RAD52: variants seen among roughly 807,000 people sequenced by gnomAD.
RAD52 encodes the protein DNA repair protein RAD52 homolog.
Under a neutral mutation model 55.5 loss-of-function variants are expected in RAD52, and 47 were observed. The ratio of observed to expected loss-of-function variants is 0.85; its 90% CI spans 0.67 to 1.08. The LOEUF is 1.08. RAD52 is among the 50% of genes least tolerant of loss of function. The pLI is 0.00. For synonymous variants in RAD52, 184 were observed against 198.9 expected, an observed-to-expected ratio of 0.92 and a Z score of 0.63; for missense variants, 468 against 522.8, an observed-to-expected ratio of 0.90 and a Z score of 1.02.
rs762392184 is a variant in RAD52 at position 916,353 on chromosome 12, T to C, written c.856A>G (p.Lys286Glu). Residue 286 changes from lysine to glutamate, a missense_variant, in exon 9 of 12, where the codon AAG (lysine) becomes GAG (glutamate). By Grantham distance (56) the Lys-to-Glu change is moderately conservative (BLOSUM62 1). Transcript: ENST00000358495. ...QVRVSTPSAE[K>E]SEAAPPAPPV... ...CCCACCCCTCGCTCACCCTCACTCT[T>C]CTCAGCTGACGGCGTGGAGACTCGA... is the stretch of plus-strand genomic sequence containing the variant. 6 of 1,606,262 alleles carry C rather than the reference T, an allele frequency of 3.7e-6. No individual in the cohort carries two copies. The highest frequency in any genetic ancestry group is 5.1e-6 in the Non-Finnish European group (6 of 1,179,922).
At chr12:934,140 AAC>A (rs1340990550) in intron 1 of RAD52, among the ~76,000 whole-genome samples, 1 of 151,120 alleles carries the variant, frequency 6.6e-6, no homozygotes, top group Admixed American at 6.6e-5. Flanking sequence ...GCAGGCACAC[AAC>A]ACACAGTTTA....
chr12:990,156 A>G (rs1355089478), upstream of RAD52: 1 of 152,224 alleles, frequency 6.6e-6, no homozygotes, highest in Non-Finnish European at 1.5e-5. Flanking sequence ...GAGGCAGTAT[A>G]AAGTGGTTAA....
intron 1 of RAD52, among the ~76,000 whole-genome samples, chr12:972,048 A>C (rs1383999289): frequency 6.6e-6 from 1 of 152,060 alleles, no homozygotes; most frequent in Non-Finnish European, 1.5e-5. Context: ...TCATTTTGGG[A>C]GTAGGTAGAG....
At chr12:974,201 G>A (rs577791729) in intron 1 of RAD52, 6 of 152,286 alleles carry the variant, frequency 3.9e-5, no homozygotes, top group East Asian at 1.9e-4. Flanking sequence ...GACAGCAGTA[G>A]CAGCAAATTG....
At chr12:979,490 CAG>C (rs1486852648) in intron 1 of RAD52, among the ~76,000 whole-genome samples, 4 of 151,928 alleles carry the variant, frequency 2.6e-5, no homozygotes, top group Non-Finnish European at 4.4e-5. Context: ...GGGCTCTTAA[CAG>C]ATAAGACTAG....
At chr12:932,848 TCA>T (rs1957406629) in intron 2 of RAD52, 125 bp downstream of exon 2, 1 of 670,324 alleles carries the variant, frequency 1.5e-6, no homozygotes. Context: ...TAGGTACTGC[TCA>T]CACACGTACT....
chr12:931,024 G>C (rs1592376516), intron 3 of RAD52, among the ~76,000 whole-genome samples, 196 bp downstream of exon 3: 1 of 151,900 alleles, frequency 6.6e-6, no homozygotes, highest in African/African-American at 2.4e-5. Flanking sequence ...GCGGTTATGC[G>C]AGTGTCAAGA....
At chr12:914,231 G>C (rs1956238885) in intron 10 of RAD52, 110 bp from the exon 11 acceptor site, 11 of 1,305,222 alleles carry the variant, frequency 8.4e-6, no homozygotes, top group Non-Finnish European at 1.1e-5. Flanking sequence ...CCTTCTGAAA[G>C]TTTTTGGAAT....
At chr12:966,215 C>T (rs955938113) in intron 1 of RAD52, among the ~76,000 whole-genome samples, 2 of 152,074 alleles carry the variant, frequency 1.3e-5, no homozygotes, top group Non-Finnish European at 2.9e-5. Context: ...GATCCTCCCA[C>T]TCCAGCCTCC....
chr12:920,908 A>G (rs1956692254), intron 7 of RAD52, among the ~76,000 whole-genome samples: 1 of 152,218 alleles, frequency 6.6e-6, no homozygotes, highest in Non-Finnish European at 1.5e-5. Flanking sequence ...CCACAAAACA[A>G]GTCCTAACAA....
chr12:929,854 C>T lies in RAD52; in HGVS notation c.313G>A (p.Val105Met), dbSNP rs139005468. 24 of 1,613,932 alleles carry T rather than the reference C, an allele frequency of 1.5e-5. No homozygotes were observed. The highest frequency in any genetic ancestry group is 1.1e-4 in the African/African-American group (8 of 74,878). The change falls in exon 5 of 12, where the codon GTG becomes ATG. Residue 105 changes from valine to methionine, a missense_variant. By Grantham distance (21) the Val-to-Met change is conservative. Transcript: ENST00000358495. Reference protein sequence around the residue: ...FVDLNNGKFYVGVCAFVRVQL... With the variant: ...FVDLNNGKFYMGVCAFVRVQL... The stretch of plus-strand genomic sequence containing the variant: ...ACCCTCACAAATGCACAGACTCCCA[C>T]GTAGAACTTGCCATTGTTGAGGTCA...
At chr12:965,704 A>G (rs1355554533) in intron 1 of RAD52, among the ~76,000 whole-genome samples, 3 of 151,228 alleles carry the variant, frequency 2.0e-5, no homozygotes, top group African/African-American at 7.3e-5. Flanking sequence ...TTTTTTTTTC[A>G]AGACAGAGTC....
Position 913,313 on chromosome 12 carries a change from A to T in RAD52, c.*78T>A. On this transcript the variant is annotated 3_prime_UTR_variant, in exon 12 of 12. Transcript: ENST00000358495. ...CAATGACGTTCATTCTCCAGCAGCG[A>T]TGAACAATTTCATGACCAAAAAGTA... is the stretch of plus-strand genomic sequence containing the variant. The T allele has an allele frequency of 9.3e-7, 1 of 1,079,748 alleles. No homozygotes were observed. The highest frequency in any genetic ancestry group is 1.4e-5 in the South Asian group (1 of 72,462). 66.9% of individuals were successfully genotyped at this position (1,079,748 alleles called of 1,614,324 possible).
At chr12:930,698 G>A (rs1957281527) in intron 3 of RAD52, among the ~76,000 whole-genome samples, 1 of 151,528 alleles carries the variant, frequency 6.6e-6, no homozygotes, top group Non-Finnish European at 1.5e-5. Flanking sequence ...TGGGCATGGT[G>A]GCCCACACCT....
chr12:965,048 T>C (rs994560728), intron 1 of RAD52, among the ~76,000 whole-genome samples: 2 of 151,818 alleles, frequency 1.3e-5, no homozygotes, highest in Admixed American at 6.6e-5. Flanking sequence ...GGCGCCATCT[T>C]GGCTCACTGC....
At chr12:980,093 G>A (rs1249864782) in intron 1 of RAD52, among the ~76,000 whole-genome samples, 6 of 151,982 alleles carry the variant, frequency 3.9e-5, no homozygotes, top group Non-Finnish European at 7.4e-5. Context: ...GGAGGCTAAG[G>A]CCAGGAAAAT....
chr12:977,574 C>T (rs889261495), intron 1 of RAD52, among the ~76,000 whole-genome samples: 1 of 152,192 alleles, frequency 6.6e-6, no homozygotes, highest in Non-Finnish European at 1.5e-5. Context: ...TGGCAGTCAC[C>T]TGATAGTTGT....
intron 1 of RAD52, among the ~76,000 whole-genome samples, chr12:969,791 TAA>T (rs74508860): frequency 1.4e-5 from 2 of 138,886 alleles, no homozygotes; most frequent in Non-Finnish European, 1.6e-5. Context: ...CCCTGACTCT[TAA>T]AAAAAAAAAA....
rs556663502 is a variant in RAD52, at chr12:933,352, G to A, written c.-18-276C>T. On this transcript the variant is annotated intron_variant, in intron 1 of 11. Transcript: ENST00000358495. ...CAGGCGCCTGTAATCCCAGCTACTC[G>A]GGAGGCTGAGGCAAAGAATTGCTTG... Among the ~76,000 whole-genome samples the A allele has an allele frequency of 9.2e-5, 14 of 151,982 alleles. 1 individual carries two copies. Among genetic ancestry groups the A allele is most frequent in the East Asian group, 7.7e-4 (4 of 5,164 alleles).
Sources: gnomAD v4.1 joint callset for allele counts (sites outside exome capture counted in the v4.1 genomes callset) on GRCh38, gnomAD v4.1.1 for gene constraint, MANE v1.5 for transcripts, NCBI Gene and HGNC (gene_info 2026-07-23, HGNC 2026-07-21) for gene names.